The following IGSF11 variants were observed in gnomAD, a reference collection of about 807,000 sequenced individuals.
IGSF11 encodes the protein immunoglobulin superfamily member 11.
Under a neutral mutation model 41.0 loss-of-function variants are expected in IGSF11, and 22 were observed. The observed-to-expected ratio is 0.54, with a 90% CI of 0.38 to 0.77. IGSF11 has a LOEUF of 0.77. Among genes scored for constraint, IGSF11 ranks in the 30% least tolerant of loss-of-function variants. IGSF11 has a pLI of 0.00. For missense variants in IGSF11, 444 were observed against 530.8 expected (o/e 0.84, Z 1.61); for synonymous variants, 219 against 201.3 (o/e 1.09, Z -0.74).
intron 1 of IGSF11, among the ~76,000 whole-genome samples, chr3:119,101,426 T>G (rs1401695660): frequency 6.6e-6 from 1 of 152,048 alleles, no homozygotes; most frequent in African/African-American, 2.4e-5. Context: ...GGAGAATCAC[T>G]TGAATCTGGG....
At chr3:119,016,039 C>T (rs1391135698) in intron 1 of IGSF11, among the ~76,000 whole-genome samples, 1 of 152,200 alleles carries the variant, frequency 6.6e-6, no homozygotes, top group Non-Finnish European at 1.5e-5. Flanking sequence ...GAAAGCCAGT[C>T]TGAGTAGACC....
At chr3:119,060,079 C>T (rs373854888) in intron 1 of IGSF11, among the ~76,000 whole-genome samples, 3 of 152,234 alleles carry the variant, frequency 2.0e-5, no homozygotes, top group East Asian at 3.9e-4. Context: ...TATTCAGCCT[C>T]CTTTGGTTGC....
intron 1 of IGSF11, among the ~76,000 whole-genome samples, chr3:118,937,695 A>G (rs1047522958): frequency 5.3e-5 from 8 of 152,230 alleles, no homozygotes; most frequent in African/African-American, 1.7e-4. Flanking sequence ...GCCATATCAC[A>G]ATATATTTTA....
intron 1 of IGSF11, among the ~76,000 whole-genome samples, chr3:119,139,823 T>C (rs2077617320): frequency 6.6e-6 from 1 of 152,200 alleles, no homozygotes; most frequent in Non-Finnish European, 1.5e-5. Context: ...TGAATGGGTT[T>C]ATAATCTGTA....
chr3:119,010,595 C>T (rs1405144786), intron 1 of IGSF11, among the ~76,000 whole-genome samples: 1 of 152,182 alleles, frequency 6.6e-6, no homozygotes, highest in Non-Finnish European at 1.5e-5. Flanking sequence ...GGACTTCCCT[C>T]TTTCTTGCCC....
chr3:119,026,982 T>C (rs1939889767), intron 1 of IGSF11, among the ~76,000 whole-genome samples: 1 of 152,196 alleles, frequency 6.6e-6, no homozygotes, highest in Admixed American at 6.5e-5. Flanking sequence ...TTTGGAAAAC[T>C]TGTATCTGAC....
intron 1 of IGSF11, among the ~76,000 whole-genome samples, chr3:119,064,320 C>A (rs1310970145): frequency 1.3e-5 from 2 of 152,150 alleles, no homozygotes; most frequent in African/African-American, 2.4e-5. Context: ...AAAACAACTG[C>A]AGCATAGCCT....
At chr3:119,106,369 C>T (rs959256122), upstream of IGSF11, among the ~76,000 whole-genome samples, 1 of 152,172 alleles carries the variant, frequency 6.6e-6, no homozygotes. Flanking sequence ...TCCCACTACC[C>T]TTCCCAGCCT....
At chr3:119,111,472 T>C (rs2077158328) in intron 1 of IGSF11, among the ~76,000 whole-genome samples, 1 of 152,230 alleles carries the variant, frequency 6.6e-6, no homozygotes, top group Admixed American at 6.5e-5. Flanking sequence ...CTGTATTGGT[T>C]ATTCTAGTCA....
At chr3:119,088,245 A>T (rs1347569634) in intron 1 of IGSF11, among the ~76,000 whole-genome samples, 1 of 152,204 alleles carries the variant, frequency 6.6e-6, no homozygotes, top group Admixed American at 6.5e-5. Flanking sequence ...GGTGAAAAAA[A>T]AAAACAGAAA....
chr3:118,947,909 A>G (rs1944279526), intron 1 of IGSF11: 1 of 152,202 alleles, frequency 6.6e-6, no homozygotes, highest in Non-Finnish European at 1.5e-5. Flanking sequence ...TATACAGATT[A>G]TTAAATATAG....
chr3:119,097,957 A>ATTTATTTTTTTTTTTTTTTTTTT (rs2076880658), intron 1 of IGSF11, among the ~76,000 whole-genome samples: 1 of 58,360 alleles, frequency 1.7e-5, no homozygotes, highest in African/African-American at 5.7e-5. Context: ...CATTCAGCTA[A>ATTTATTTTTTTTTTTTTTTTTTT]TTTTTTTTTT....
chr3:119,013,166 G>A (rs1200744390), intron 1 of IGSF11: 1 of 152,190 alleles, frequency 6.6e-6, no homozygotes, highest in Admixed American at 6.5e-5. Context: ...GTTCTATGAA[G>A]ACTAATCACA....
chr3:119,002,105 C>T (rs1289774468), intron 1 of IGSF11, among the ~76,000 whole-genome samples: 22 of 134,402 alleles, frequency 1.6e-4, no homozygotes, highest in Admixed American at 5.2e-4. Flanking sequence ...AAAAGTGTTC[C>T]TATTTCTCCA....
Position 119,013,913 on chromosome 3 carries a change from C to T in IGSF11, c.52+20618G>A, listed in dbSNP as rs977965936. Among the ~76,000 whole-genome samples the T allele has an allele frequency of 3.9e-5, 6 of 152,110 alleles. No individual in the cohort carries two copies. In the East Asian group the frequency reaches 5.8e-4, roughly 15 times the overall value. Reference sequence around the variant, plus strand: ...TAAACACTACTTTTGGTTTCAGATACGATATACATCTCAAAGTTTAAAACA... The same window carrying T: ...TAAACACTACTTTTGGTTTCAGATATGATATACATCTCAAAGTTTAAAACA... On this transcript the variant is annotated intron_variant, in intron 1 of 6. Transcript: ENST00000393775.
intron 1 of IGSF11, among the ~76,000 whole-genome samples, chr3:119,121,805 G>T (rs2107530310): frequency 6.6e-6 from 1 of 152,044 alleles, no homozygotes; most frequent in Non-Finnish European, 1.5e-5. Flanking sequence ...AATCCTGAAG[G>T]TGGCAAGAGA....
intron 1 of IGSF11, among the ~76,000 whole-genome samples, chr3:119,066,378 T>C (rs1390055680): frequency 6.6e-6 from 1 of 152,210 alleles, no homozygotes; most frequent in East Asian, 1.9e-4. Context: ...ATATTTATAG[T>C]TTGCTGTGAT....
At chr3:119,108,273 G>A (rs1247496377), upstream of IGSF11, among the ~76,000 whole-genome samples, 2 of 146,362 alleles carry the variant, frequency 1.4e-5, no homozygotes, top group Non-Finnish European at 3.0e-5. Context: ...TTGAGCAGTG[G>A]TTTGTAGTTG....
At chr3:119,086,603 G>A (rs1045638025) in intron 1 of IGSF11, among the ~76,000 whole-genome samples, 2 of 152,170 alleles carry the variant, frequency 1.3e-5, no homozygotes, top group African/African-American at 4.8e-5. Flanking sequence ...AGAGATGGGG[G>A]CCTATTTTCA....
Sources: gnomAD v4.1 joint callset for allele counts (sites outside exome capture counted in the v4.1 genomes callset) on GRCh38, gnomAD v4.1.1 for gene constraint, MANE v1.5 for transcripts, NCBI Gene and HGNC (gene_info 2026-07-23, HGNC 2026-07-21) for gene names.